TMEFF2: variants seen among roughly 807,000 people sequenced by gnomAD.
TMEFF2 encodes transmembrane protein with EGF like and two follistatin like domains 2.
TMEFF2 carries 28 observed loss-of-function variants against 53.8 expected under a neutral mutation model. The observed-to-expected ratio is 0.52, with a 90% CI of 0.39 to 0.71. TMEFF2 has a LOEUF of 0.71. TMEFF2 is among the 30% of genes least tolerant of loss of function. The probability of loss-of-function intolerance (pLI) is 0.00; values close to 1 mark genes in which losing one functional copy is unlikely to be tolerated. For synonymous variants in TMEFF2, 162 were observed against 166.3 expected, an observed-to-expected ratio of 0.97 and a Z score of 0.20; for missense variants, 353 against 455.2, an observed-to-expected ratio of 0.78 and a Z score of 2.04.
In TMEFF2 at chr2:191,983,056, G is replaced by A. The variant is rs187403686; in HGVS notation, c.745+15206C>T. On this transcript the variant is annotated intron_variant, in intron 7 of 9. Coordinates refer to ENST00000272771, the MANE Select transcript of TMEFF2 (RefSeq NM_016192.4). ...TGGTGGGAACTCTGGCCTCCAGTAG[G>A]ATTCTACTGTCTCCTATTTGACAGT... Among the ~76,000 whole-genome samples, 859 of 152,156 alleles carry A rather than the reference G, an allele frequency of 5.6e-3. 5 individuals carry two copies. Among genetic ancestry groups the A allele is most frequent in the Middle Eastern group, 0.014 (4 of 294 alleles).
chr2:191,972,465 G>C (rs74522365), intron 7 of TMEFF2, among the ~76,000 whole-genome samples: 2,867 of 151,592 alleles, frequency 0.019, 88 homozygotes, highest in African/African-American at 0.066. Context: ...GCCTGACCTA[G>C]TTTAAAGATC....
At position 192,086,115 on chromosome 2, in the gene TMEFF2, A is replaced by G. The variant is rs544315867; in HGVS notation, c.440-28340T>C. Among the ~76,000 whole-genome samples the G allele has an allele frequency of 4.6e-5, 7 of 152,248 alleles. No individual in the cohort carries two copies. In the South Asian group the frequency reaches 1.5e-3, roughly 32 times the overall value. Reference sequence around the variant, plus strand: ...AAATCTGTATCTTCGGCCATTAATGATATTAGGGAAAGGCAATTATTTAAT... The same window carrying G: ...AAATCTGTATCTTCGGCCATTAATGGTATTAGGGAAAGGCAATTATTTAAT... On this transcript the variant is annotated intron_variant, in intron 4 of 9. Coordinates refer to ENST00000272771, the MANE Select transcript of TMEFF2 (RefSeq NM_016192.4).
At chr2:192,183,766 T>C (rs1180930700) in intron 3 of TMEFF2, among the ~76,000 whole-genome samples, 1 of 152,088 alleles carries the variant, frequency 6.6e-6, no homozygotes, top group African/African-American at 2.4e-5. Context: ...CTTTATAGCA[T>C]TGTTGGTAAG....
chr2:192,016,052 G>C (rs1686737324), intron 5 of TMEFF2, among the ~76,000 whole-genome samples: 3 of 152,122 alleles, frequency 2.0e-5, no homozygotes, highest in African/African-American at 7.2e-5. Context: ...ACACAGAAAG[G>C]TACTCACTTT....
chr2:192,057,217 TTA>T (rs1491200057), intron 5 of TMEFF2, among the ~76,000 whole-genome samples: 33 of 111,306 alleles, frequency 3.0e-4, no homozygotes, highest in Admixed American at 8.8e-4. Context: ...CTAATTATTA[TTA>T]TTTTTTTTTA....
At chr2:192,120,271 C>T (rs554641574) in intron 4 of TMEFF2, among the ~76,000 whole-genome samples, 7 of 152,222 alleles carry the variant, frequency 4.6e-5, no homozygotes, top group Admixed American at 3.3e-4. Context: ...CTATGGCAGA[C>T]CTTAAGCCAG....
At chr2:192,101,844 G>A (rs534386476) in intron 4 of TMEFF2, among the ~76,000 whole-genome samples, 2 of 152,266 alleles carry the variant, frequency 1.3e-5, no homozygotes, top group South Asian at 4.1e-4. Context: ...ATCTGAAGGG[G>A]ACAGTCAGGT....
rs550982865 is a variant in TMEFF2 at position 192,159,689 on chromosome 2, G to A, written c.439+19979C>T. 5.9e-5 allele frequency among the ~76,000 whole-genome samples: 9 copies of A among 152,218 alleles called. No individual in the cohort carries two copies. In the South Asian group the frequency reaches 1.9e-3, roughly 32 times the overall value. On this transcript the variant is annotated intron_variant, in intron 4 of 9. Transcript: ENST00000272771. ...GCTTGTTAATCTATTTCAAGGAAGT[G>A]TTCTAGATAATTAAACAGTCTTCTT...
chr2:192,174,341 C>A (rs566813356), intron 4 of TMEFF2, among the ~76,000 whole-genome samples: 1 of 151,808 alleles, frequency 6.6e-6, no homozygotes, highest in Non-Finnish European at 1.5e-5. Context: ...TGTGTGAAAA[C>A]AAACTATAGC....
intron 7 of TMEFF2, among the ~76,000 whole-genome samples, chr2:191,964,109 T>C (rs1396879837): frequency 6.6e-6 from 1 of 152,154 alleles, no homozygotes; most frequent in Non-Finnish European, 1.5e-5. Context: ...CTGGCCTTCA[T>C]ATCTTATTTA....
chr2:192,132,045 C>T (rs973813232), intron 4 of TMEFF2, among the ~76,000 whole-genome samples: 4 of 152,108 alleles, frequency 2.6e-5, no homozygotes, highest in African/African-American at 9.7e-5. Flanking sequence ...AGTCCCAACC[C>T]CAAGCGTCAC....
rs140453703 is a variant in TMEFF2 at position 192,111,272 on chromosome 2, G to A, written c.440-53497C>T. ...GGAACTTCCTAGAGACTTGTTGAAT[G>A]GCTTTGATCAAAATGCTGATAATGA... On this transcript the variant is annotated intron_variant, in intron 4 of 9. Transcript: ENST00000272771. 4.7e-4 allele frequency among the ~76,000 whole-genome samples: 71 copies of A among 152,242 alleles called. 1 individual carries two copies. In the East Asian group the frequency reaches 8.3e-3, roughly 18 times the overall value.
chr2:192,108,569 T>C (rs1246795228), intron 4 of TMEFF2, among the ~76,000 whole-genome samples: 2 of 151,866 alleles, frequency 1.3e-5, no homozygotes, highest in Non-Finnish European at 2.9e-5. Flanking sequence ...ACTTGAAAAA[T>C]TAACAATGAG....
At chr2:191,978,086 G>A (rs1292497106) in intron 7 of TMEFF2, among the ~76,000 whole-genome samples, 2 of 151,794 alleles carry the variant, frequency 1.3e-5, no homozygotes, top group African/African-American at 2.4e-5. Flanking sequence ...TCCTTTTTTA[G>A]TTTCCTGAAC....
rs528511309 is a variant in TMEFF2, at chr2:192,166,095, T to C, written c.439+13573A>G. 6.4e-4 allele frequency among the ~76,000 whole-genome samples: 97 copies of C among 152,272 alleles called. 1 individual carries two copies. Among genetic ancestry groups the C allele is most frequent in the East Asian group, 1.9e-4 (1 of 5,178 alleles). ...GTGACGCAGTGGGAGTATAGGTGTG[T>C]TGAGCCAGATGAAACTTTTAACTGT... On this transcript the variant is annotated intron_variant, in intron 4 of 9. Coordinates refer to ENST00000272771, the MANE Select transcript of TMEFF2 (RefSeq NM_016192.4).
intron 7 of TMEFF2, among the ~76,000 whole-genome samples, chr2:191,994,813 T>A (rs1235190836): frequency 1.3e-5 from 2 of 151,944 alleles, no homozygotes; most frequent in African/African-American, 4.8e-5. Flanking sequence ...GAGAATAACA[T>A]TAAATGGCCT....
intron 7 of TMEFF2, among the ~76,000 whole-genome samples, chr2:191,964,208 C>A (rs1382117823): frequency 6.7e-6 from 1 of 149,222 alleles, no homozygotes; most frequent in East Asian, 1.9e-4. Context: ...CTCTTTCTTT[C>A]TCTCTTTCTG....
At chr2:192,159,261 G>A (rs981493098) in intron 4 of TMEFF2, among the ~76,000 whole-genome samples, 1 of 152,156 alleles carries the variant, frequency 6.6e-6, no homozygotes, top group Non-Finnish European at 1.5e-5. Flanking sequence ...GGAACAGAGA[G>A]GAGAGTGTTG....
intron 7 of TMEFF2, among the ~76,000 whole-genome samples, chr2:191,981,960 C>T (rs1418387669): frequency 1.3e-5 from 2 of 152,106 alleles, no homozygotes; most frequent in African/African-American, 4.8e-5. Flanking sequence ...AACCAGGACA[C>T]GTGACTTTAT....
Sources: allele counts gnomAD v4.1 joint callset (sites outside exome capture counted in the v4.1 genomes callset), GRCh38; gene constraint gnomAD v4.1.1; transcripts MANE v1.5; gene names NCBI Gene and HGNC (gene_info 2026-07-23, HGNC 2026-07-21).